Variants in PDGFC observed in about 807,000 individuals in gnomAD.
PDGFC encodes platelet-derived growth factor C.
In PDGFC, 12 loss-of-function variants were observed where a neutral mutation model predicts 35.5. That is an observed-to-expected ratio of 0.34 (90% confidence interval 0.22 to 0.55). PDGFC has a LOEUF of 0.55. Ranked by LOEUF, PDGFC falls within the 20% of genes least tolerant of loss-of-function variation. The probability of loss-of-function intolerance (pLI) is 0.91; values close to 1 mark genes in which losing one functional copy is unlikely to be tolerated. For synonymous variants in PDGFC, 159 were observed against 148.8 expected (o/e 1.07, Z -0.50); for missense variants, 322 against 412.4 (o/e 0.78, Z 1.90).
intron 2 of PDGFC, among the ~76,000 whole-genome samples, chr4:156,841,090 G>C (rs1330614796): frequency 6.6e-6 from 1 of 151,910 alleles, no homozygotes; most frequent in African/African-American, 2.4e-5. Context: ...AAGATTTTGG[G>C]GGACTGTTGG....
chr4:156,835,487 AT>A (rs202204946), intron 2 of PDGFC, among the ~76,000 whole-genome samples: 1 of 152,194 alleles, frequency 6.6e-6, no homozygotes, highest in African/African-American at 2.4e-5. Flanking sequence ...GCAAAAAAAA[AT>A]GTTAGTGTCT....
At chr4:156,917,608 A>G (rs1230726391) in intron 1 of PDGFC, among the ~76,000 whole-genome samples, 1 of 152,226 alleles carries the variant, frequency 6.6e-6, no homozygotes, top group Non-Finnish European at 1.5e-5. Flanking sequence ...TATAGAATCA[A>G]TATGTTAGAT....
chr4:156,824,285 CATATATATATATATATATATATAT>C (rs58698115), intron 2 of PDGFC, among the ~76,000 whole-genome samples: 2,122 of 92,882 alleles, frequency 0.023, 85 homozygotes, highest in Middle Eastern at 0.096. Context: ...ACAATGTAAG[CATATATATATATATATATATATAT>C]ATATATATAT....
intron 1 of PDGFC, among the ~76,000 whole-genome samples, chr4:156,937,717 G>A (rs1055942786): frequency 5.3e-5 from 8 of 152,044 alleles, no homozygotes; most frequent in African/African-American, 1.7e-4. Flanking sequence ...AAATAAGAAA[G>A]GCATATTCAC....
chr4:156,907,088 T>C (rs918769644), intron 1 of PDGFC, among the ~76,000 whole-genome samples: 9 of 152,168 alleles, frequency 5.9e-5, no homozygotes, highest in African/African-American at 1.9e-4. Context: ...TGTAAATACT[T>C]GGAGCCCAGT....
chr4:156,882,717 T>G (rs1730272360), intron 1 of PDGFC, among the ~76,000 whole-genome samples: 1 of 152,160 alleles, frequency 6.6e-6, no homozygotes, highest in Non-Finnish European at 1.5e-5. Flanking sequence ...TCTAAAACAA[T>G]TTTAAGCACA....
At chr4:156,834,680 A>G (rs1729021172) in intron 2 of PDGFC, among the ~76,000 whole-genome samples, 1 of 152,184 alleles carries the variant, frequency 6.6e-6, no homozygotes, top group Non-Finnish European at 1.5e-5. Flanking sequence ...ACAGAAAGAA[A>G]AGCTTACTTG....
chr4:156,898,207 A>G (rs1028296586), intron 1 of PDGFC, among the ~76,000 whole-genome samples: 7 of 152,184 alleles, frequency 4.6e-5, no homozygotes, highest in Non-Finnish European at 7.4e-5. Flanking sequence ...ATGGTCATCA[A>G]TGAACTGAGA....
At position 156,939,001 on chromosome 4, in the gene PDGFC, G is replaced by A. The variant is rs192360032; in HGVS notation, c.118+31785C>T. Among the ~76,000 whole-genome samples, 45 of 151,938 alleles carry A rather than the reference G, an allele frequency of 3.0e-4. No individual in the cohort carries two copies. The East Asian group carries it at 7.7e-3, about 26-fold the overall frequency. On this transcript the variant is annotated intron_variant, in intron 1 of 5. Transcript: ENST00000502773. ...AATATCATAATTCCTATTAACAAGA[G>A]GTCAAAACCAGTACAGAATACAGCC...
At chr4:156,859,996 T>C (rs887180024) in intron 1 of PDGFC, among the ~76,000 whole-genome samples, 2 of 152,152 alleles carry the variant, frequency 1.3e-5, no homozygotes, top group African/African-American at 4.8e-5. Flanking sequence ...ACAGCTAGCT[T>C]TATGACAACA....
intron 1 of PDGFC, among the ~76,000 whole-genome samples, chr4:156,943,816 G>A (rs1731872648): frequency 6.6e-6 from 1 of 152,098 alleles, no homozygotes; most frequent in South Asian, 2.1e-4. Flanking sequence ...TCAAGATCAT[G>A]TAACTAAAAA....
chr4:156,804,189 T>TA (rs1731692482), intron 3 of PDGFC, among the ~76,000 whole-genome samples: 1 of 151,910 alleles, frequency 6.6e-6, no homozygotes, highest in Admixed American at 6.6e-5. Context: ...AATCTTGAAA[T>TA]AAAAGTAATT....
chr4:156,854,285 G>T (rs1162046496), intron 1 of PDGFC, among the ~76,000 whole-genome samples: 1 of 152,066 alleles, frequency 6.6e-6, no homozygotes, highest in Non-Finnish European at 1.5e-5. Context: ...GCATATAATT[G>T]AGAAAACTAC....
chr4:156,861,333 G>A (rs902531885), intron 1 of PDGFC: 1 of 393,230 alleles, frequency 2.5e-6, no homozygotes. Context: ...CTCTAATATG[G>A]TTCATTGTAT....
intron 3 of PDGFC, among the ~76,000 whole-genome samples, chr4:156,796,147 C>T (rs1401658742): frequency 6.6e-6 from 1 of 152,098 alleles, no homozygotes; most frequent in African/African-American, 2.4e-5. Flanking sequence ...TATAAAATCA[C>T]CTACTTCAGA....
At chr4:156,830,601 C>T (rs960821125) in intron 2 of PDGFC, among the ~76,000 whole-genome samples, 2 of 152,146 alleles carry the variant, frequency 1.3e-5, no homozygotes, top group Non-Finnish European at 2.9e-5. Context: ...GGTACAGCAA[C>T]TCCAGCAATA....
chr4:156,875,056 G>C (rs1730079926), intron 1 of PDGFC, among the ~76,000 whole-genome samples: 1 of 152,018 alleles, frequency 6.6e-6, no homozygotes, highest in South Asian at 2.1e-4. Context: ...AATGGCCAGA[G>C]TACTATTCAC....
chr4:156,964,882 G>A (rs923915522), intron 1 of PDGFC, among the ~76,000 whole-genome samples: 1 of 152,052 alleles, frequency 6.6e-6, no homozygotes, highest in Non-Finnish European at 1.5e-5. Context: ...AGTTATCCTT[G>A]AGCCACAGGT....
chr4:156,797,816 A>G (rs1731490385), intron 3 of PDGFC, among the ~76,000 whole-genome samples: 1 of 152,124 alleles, frequency 6.6e-6, no homozygotes, highest in Non-Finnish European at 1.5e-5. Flanking sequence ...TACTCCTTAC[A>G]AGAGTAGATT....
Sources: allele counts gnomAD v4.1 joint callset (sites outside exome capture counted in the v4.1 genomes callset), GRCh38; gene constraint gnomAD v4.1.1; transcripts MANE v1.5; gene names NCBI Gene and HGNC (gene_info 2026-07-23, HGNC 2026-07-21).